The following GRM7 variants were observed in gnomAD, a reference collection of about 807,000 sequenced individuals.
GRM7 encodes glutamate metabotropic receptor 7, also known as metabotropic glutamate receptor 7.
A neutral mutation model predicts 84.5 loss-of-function variants in GRM7; 35 were observed. The observed-to-expected ratio is 0.41, with a 90% CI of 0.32 to 0.55. The LOEUF (loss-of-function observed/expected upper bound fraction) is 0.55. Ranked by LOEUF, GRM7 falls within the 20% of genes least tolerant of loss-of-function variation. GRM7 has a pLI of 0.19. For synonymous variants in GRM7, 487 were observed against 455.1 expected, an observed-to-expected ratio of 1.07 and a Z score of -0.89; for missense variants, 1,003 against 1,194.6, an observed-to-expected ratio of 0.84 and a Z score of 2.36.
At chr3:7,262,076 C>T (rs1698450643) in intron 2 of GRM7, among the ~76,000 whole-genome samples, 1 of 151,586 alleles carries the variant, frequency 6.6e-6, no homozygotes, top group Non-Finnish European at 1.5e-5. Flanking sequence ...GATTACCTGA[C>T]CTTTCTCTCT....
Position 7,740,413 on chromosome 3 carries a change from C to T in GRM7, c.*7C>T. 2 of 1,514,584 alleles carry T rather than the reference C, an allele frequency of 1.3e-6. No individual in the cohort carries two copies. The highest frequency in any genetic ancestry group is 1.8e-6 in the Non-Finnish European group (2 of 1,101,650). 93.8% of individuals were successfully genotyped at this position (1,514,584 alleles called of 1,614,324 possible). On this transcript the variant is annotated 3_prime_UTR_variant, in exon 10 of 10. Transcript: ENST00000357716. ...TAATAACCTGGTTATCTAACCTGTT[C>T]CATTCCATGGAACCATGGAGGAGGA...
chr3:7,687,562 A>G (rs1700632725), intron 9 of GRM7, among the ~76,000 whole-genome samples: 1 of 152,080 alleles, frequency 6.6e-6, no homozygotes, highest in South Asian at 2.1e-4. Flanking sequence ...CTCCTATTGT[A>G]CTCATATAAT....
At chr3:7,039,307 A>G (rs974970840) in intron 1 of GRM7, among the ~76,000 whole-genome samples, 15 of 152,318 alleles carry the variant, frequency 9.8e-5, no homozygotes, top group African/African-American at 2.6e-4. Flanking sequence ...TAGCAGGCAG[A>G]TGATATGGAG....
rs566863813 is a variant in GRM7, at chr3:7,372,620, A to G, written c.1034-42403A>G. On this transcript the variant is annotated intron_variant, in intron 4 of 9. Transcript: ENST00000357716. ...TATAGTCTGTTGCAGGAGGACTCAGAATAAAAGATCCCTAAAAGTAGCAGG... is the reference window on the plus strand; with the variant it reads ...TATAGTCTGTTGCAGGAGGACTCAGGATAAAAGATCCCTAAAAGTAGCAGG... 7.9e-5 allele frequency among the ~76,000 whole-genome samples: 12 copies of G among 152,282 alleles called. 1 individual carries two copies. In the South Asian group the frequency reaches 2.5e-3, roughly 32 times the overall value.
intron 1 of GRM7, among the ~76,000 whole-genome samples, chr3:6,950,714 C>A (rs1000973489): frequency 7.9e-5 from 12 of 152,248 alleles, no homozygotes; most frequent in African/African-American, 2.9e-4. Context: ...CCAGTTCAAG[C>A]TTCAGGGCCG....
At chr3:7,065,692 T>A (rs1437635196) in intron 1 of GRM7, among the ~76,000 whole-genome samples, 2 of 151,908 alleles carry the variant, frequency 1.3e-5, no homozygotes, top group African/African-American at 4.8e-5. Context: ...TGGTTCCATA[T>A]GAATTTTAGA....
chr3:7,667,214 T>C (rs1387616201), intron 8 of GRM7, among the ~76,000 whole-genome samples: 1 of 150,210 alleles, frequency 6.7e-6, no homozygotes, highest in African/African-American at 2.5e-5. Context: ...ACTGAAGTGA[T>C]CTATGATCCT....
intron 8 of GRM7, among the ~76,000 whole-genome samples, chr3:7,610,930 C>T (rs146084621): frequency 4.5e-4 from 68 of 152,256 alleles, no homozygotes; most frequent in Non-Finnish European, 6.0e-4. Context: ...AACAACAAAA[C>T]GATAGTTAAT....
intron 7 of GRM7, among the ~76,000 whole-genome samples, chr3:7,527,976 A>T (rs1231717622): frequency 1.3e-5 from 2 of 151,968 alleles, no homozygotes; most frequent in African/African-American, 2.4e-5. Context: ...GGGTACTGAC[A>T]CATTGTTTTA....
At chr3:7,135,476 G>T (rs1264004655) in intron 1 of GRM7, among the ~76,000 whole-genome samples, 2 of 152,124 alleles carry the variant, frequency 1.3e-5, no homozygotes, top group Non-Finnish European at 2.9e-5. Flanking sequence ...TACAAGTTTT[G>T]TGGAAACTAC....
intron 2 of GRM7, among the ~76,000 whole-genome samples, chr3:7,176,072 T>C (rs910947063): frequency 1.3e-5 from 2 of 151,830 alleles, no homozygotes; most frequent in South Asian, 2.1e-4. Flanking sequence ...AAAATAATAC[T>C]GTGTGATATA....
At chr3:7,112,592 A>G (rs1692897082) in intron 1 of GRM7, among the ~76,000 whole-genome samples, 1 of 152,060 alleles carries the variant, frequency 6.6e-6, no homozygotes, top group Admixed American at 6.6e-5. Context: ...CTTGCAATGG[A>G]TGCTGATCAG....
intron 1 of GRM7, among the ~76,000 whole-genome samples, chr3:6,899,473 G>C (rs1696310320): frequency 6.6e-6 from 1 of 152,162 alleles, no homozygotes; most frequent in Non-Finnish European, 1.5e-5. Context: ...GTATTAGTGT[G>C]ATGTCTTTTG....
intron 7 of GRM7, chr3:7,520,169 G>A (rs1430863254): frequency 1.3e-5 from 2 of 152,084 alleles, no homozygotes; most frequent in Admixed American, 6.6e-5. Flanking sequence ...CTCACTTGTG[G>A]ATAAAGAGGA....
chr3:7,274,912 T>C (rs186684934), intron 2 of GRM7, among the ~76,000 whole-genome samples: 13 of 152,222 alleles, frequency 8.5e-5, no homozygotes, highest in Admixed American at 7.9e-4. Context: ...CTCCTTCTGG[T>C]ATTTGCATTA....
At chr3:7,104,796 G>T (rs1253867655) in intron 1 of GRM7, among the ~76,000 whole-genome samples, 5 of 151,706 alleles carry the variant, frequency 3.3e-5, no homozygotes, top group African/African-American at 1.2e-4. Context: ...AAACTTCTCA[G>T]GCTCACAAAA....
At chr3:7,459,291 G>A (rs1371676709) in intron 6 of GRM7, among the ~76,000 whole-genome samples, 2 of 152,166 alleles carry the variant, frequency 1.3e-5, no homozygotes, top group Non-Finnish European at 2.9e-5. Flanking sequence ...AATGTTTATA[G>A]TGATGGAGAA....
chr3:7,505,703 C>G (rs1700020155), intron 7 of GRM7, among the ~76,000 whole-genome samples: 1 of 152,180 alleles, frequency 6.6e-6, no homozygotes, highest in East Asian at 1.9e-4. Context: ...ACCATTTGAG[C>G]CATAGCTGGA....
intron 1 of GRM7, among the ~76,000 whole-genome samples, chr3:7,140,516 T>C (rs1693913107): frequency 6.6e-6 from 1 of 152,038 alleles, no homozygotes; most frequent in South Asian, 2.1e-4. Flanking sequence ...ACCTTCAAAG[T>C]GGTTCTTGAT....
Sources: gnomAD v4.1 joint callset for allele counts (sites outside exome capture counted in the v4.1 genomes callset) on GRCh38, gnomAD v4.1.1 for gene constraint, MANE v1.5 for transcripts, NCBI Gene and HGNC (gene_info 2026-07-23, HGNC 2026-07-21) for gene names.